Variants in ZHX2 observed in about 807,000 individuals in gnomAD.
ZHX2 encodes zinc fingers and homeoboxes 2.
A neutral mutation model predicts 21.9 loss-of-function variants in ZHX2; 6 were observed. The observed-to-expected ratio is 0.27, with a 90% CI of 0.15 to 0.54. The LOEUF is 0.54. ZHX2 is among the 20% of genes least tolerant of loss of function. The pLI is 0.95. For synonymous variants in ZHX2, 434 were observed against 437.1 expected (o/e 0.99, Z 0.09); for missense variants, 908 against 1,090.7 (o/e 0.83, Z 2.36).
intron 1 of ZHX2, among the ~76,000 whole-genome samples, chr8:122,812,524 T>G (rs1817953124): frequency 6.6e-6 from 1 of 152,196 alleles, no homozygotes; most frequent in South Asian, 2.1e-4. Flanking sequence ...TCCCTGATTC[T>G]TGGTCCAGAA....
intron 1 of ZHX2, among the ~76,000 whole-genome samples, chr8:122,795,153 C>T (rs910808625): frequency 6.6e-6 from 1 of 152,216 alleles, no homozygotes; most frequent in African/African-American, 2.4e-5. Flanking sequence ...TCACTACAGC[C>T]TATAGGAAGT....
intron 2 of ZHX2, among the ~76,000 whole-genome samples, chr8:122,881,655 A>G (rs563929236): frequency 1.2e-4 from 18 of 152,350 alleles, no homozygotes; most frequent in African/African-American, 4.3e-4. Flanking sequence ...CGCAAAAGGC[A>G]TCTCATGATG....
At chr8:122,797,223 G>C (rs1354896444) in intron 1 of ZHX2, among the ~76,000 whole-genome samples, 2 of 152,162 alleles carry the variant, frequency 1.3e-5, no homozygotes, top group Non-Finnish European at 2.9e-5. Flanking sequence ...AGCTCTGTAA[G>C]GCAGCTTTCC....
chr8:122,844,655 AC>A (rs929820124), intron 1 of ZHX2, among the ~76,000 whole-genome samples: 11 of 152,104 alleles, frequency 7.2e-5, no homozygotes, highest in Admixed American at 3.9e-4. Context: ...TAGACAGAGC[AC>A]CCCCATCAGC....
chr8:122,937,930 T>C (rs1393783001), intron 2 of ZHX2, among the ~76,000 whole-genome samples: 2 of 113,876 alleles, frequency 1.8e-5, no homozygotes, highest in Non-Finnish European at 3.7e-5. Context: ...GGTTTTCTTT[T>C]TGGTTTTTTT....
Position 122,919,222 on chromosome 8 carries a change from T to C in ZHX2, c.-219-32070T>C, listed in dbSNP as rs544535188. 5.3e-5 allele frequency among the ~76,000 whole-genome samples: 8 copies of C among 152,332 alleles called. No individual in the cohort carries two copies. In the East Asian group the frequency reaches 1.5e-3, roughly 29 times the overall value. ...CATCTCTTACTCATCTCTTCCTCCT[T>C]CAATGGTTAGCTCCTTGAGGTGTGC... On this transcript the variant is annotated intron_variant, in intron 2 of 3. Transcript: ENST00000314393.
chr8:122,945,675 C>A (rs1586411752), intron 2 of ZHX2, among the ~76,000 whole-genome samples: 1 of 152,284 alleles, frequency 6.6e-6, no homozygotes, highest in African/African-American at 2.4e-5. Flanking sequence ...CCACGAGGAG[C>A]AGGACTTCAG....
intron 1 of ZHX2, among the ~76,000 whole-genome samples, chr8:122,839,690 G>A (rs772858538): frequency 6.6e-6 from 1 of 152,150 alleles, no homozygotes; most frequent in South Asian, 2.1e-4. Flanking sequence ...CAGTCCCCAG[G>A]ATATGGTGGC....
chr8:122,918,259 G>A lies in ZHX2; in HGVS notation c.-219-33033G>A, dbSNP rs147615217. Among the ~76,000 whole-genome samples the A allele has an allele frequency of 1.3e-4, 20 of 152,288 alleles. No individual in the cohort carries two copies. The East Asian group carries it at 2.5e-3, about 19-fold the overall frequency. On this transcript the variant is annotated intron_variant, in intron 2 of 3. Transcript: ENST00000314393. ...CCCGACCGCCTTTGTCATTCCAATC[G>A]TTCAACATTTTTATTAGGCACCCAT...
At chr8:122,928,780 C>T (rs760246454) in intron 2 of ZHX2, among the ~76,000 whole-genome samples, 54 of 152,032 alleles carry the variant, frequency 3.6e-4, no homozygotes, top group Non-Finnish European at 7.5e-4. Context: ...CCTGGGCCAA[C>T]GGGGGTATCC....
At chr8:122,830,084 G>A (rs1196940018) in intron 1 of ZHX2, among the ~76,000 whole-genome samples, 1 of 152,228 alleles carries the variant, frequency 6.6e-6, no homozygotes, top group Non-Finnish European at 1.5e-5. Context: ...CAAACCCTGA[G>A]CGTGTGCCGA....
chr8:122,957,818 G>GATCC (rs1327066604), intron 3 of ZHX2, among the ~76,000 whole-genome samples: 1 of 152,112 alleles, frequency 6.6e-6, no homozygotes, highest in Non-Finnish European at 1.5e-5. Context: ...TGCACTAGGG[G>GATCC]TGGCATTGAA....
Position 122,953,668 on chromosome 8 carries a change from C to A in ZHX2, c.2158C>A (p.Pro720Thr). ...RKATKPMAESPKNGGDVVPQY... is the reference protein window; with the variant it reads ...RKATKPMAESTKNGGDVVPQY... ...AGCAACAAAACCCATGGCCGAGAGC[C>A]CAAAGAACGGGGGTGATGTGGTTCC... The change falls in exon 3 of 4, where the codon CCA becomes ACA. Residue 720 changes from proline to threonine, a missense_variant. Physicochemically the swap from Pro to Thr is conservative, Grantham distance 38. Around this residue, in one of 4 missense-constraint regions of ZHX2, gnomAD observed 431 missense variants for 428.6 expected, o/e 1.01. Transcript: ENST00000314393. The surrounding 1 kb of genome is among the most constrained non-coding windows in gnomAD (Gnocchi z 4.6). The A allele has an allele frequency of 6.2e-7, 1 of 1,614,188 alleles. No homozygotes were observed. The highest frequency in any genetic ancestry group is 8.5e-7 in the Non-Finnish European group (1 of 1,180,036).
At chr8:122,836,473 G>T (rs1031625567) in intron 1 of ZHX2, among the ~76,000 whole-genome samples, 1 of 152,124 alleles carries the variant, frequency 6.6e-6, no homozygotes, top group African/African-American at 2.4e-5. Flanking sequence ...TTCTTGTATC[G>T]GTTCGAACCC....
intron 2 of ZHX2, among the ~76,000 whole-genome samples, chr8:122,946,442 A>G (rs1186371618): frequency 2.7e-5 from 4 of 150,730 alleles, no homozygotes; most frequent in Non-Finnish European, 4.4e-5. Flanking sequence ...CTTCTTTTTC[A>G]TCTGCTTTGG....
chr8:122,879,343 A>G (rs1425071703), intron 2 of ZHX2, among the ~76,000 whole-genome samples: 1 of 152,068 alleles, frequency 6.6e-6, no homozygotes, highest in African/African-American at 2.4e-5. Flanking sequence ...AGTAGCTAGG[A>G]TAACAGACAC....
At chr8:122,895,080 AC>A (rs1820065781) in intron 2 of ZHX2, among the ~76,000 whole-genome samples, 2 of 152,120 alleles carry the variant, frequency 1.3e-5, no homozygotes, top group South Asian at 4.1e-4. Context: ...TTTTTCAATC[AC>A]CAGAATTGAT....
chr8:122,851,277 C>T (rs1044690045), intron 1 of ZHX2, among the ~76,000 whole-genome samples: 2 of 152,132 alleles, frequency 1.3e-5, no homozygotes, highest in Non-Finnish European at 2.9e-5. Context: ...TTGGGGTTAA[C>T]AGAGGTACTA....
intron 3 of ZHX2, among the ~76,000 whole-genome samples, chr8:122,955,071 G>GGC (rs1813260147): frequency 8.2e-6 from 1 of 121,820 alleles, no homozygotes; most frequent in Non-Finnish European, 1.6e-5. Context: ...ACATAAGCCG[G>GGC]GGGGGGGGGG....
Sources: gnomAD v4.1 joint callset for allele counts (sites outside exome capture counted in the v4.1 genomes callset) on GRCh38, gnomAD v4.1.1 for gene constraint, gnomAD v4.1.1 regional missense constraint, Gnocchi (gnomAD v3.1) non-coding constraint, MANE v1.5 for transcripts, NCBI Gene and HGNC (gene_info 2026-07-23, HGNC 2026-07-21) for gene names.